The following SESN1 variants were observed in gnomAD, a reference collection of about 807,000 sequenced individuals.
SESN1 encodes the protein sestrin 1.
SESN1 carries 30 observed loss-of-function variants against 59.3 expected under a neutral mutation model. The observed-to-expected ratio is 0.51, with a 90% CI of 0.38 to 0.69. The LOEUF (loss-of-function observed/expected upper bound fraction) is 0.69, where lower values mean the gene tolerates loss of function less well. Among genes scored for constraint, SESN1 ranks in the 30% least tolerant of loss-of-function variants. The probability of loss-of-function intolerance (pLI) is 0.00; values close to 1 mark genes in which losing one functional copy is unlikely to be tolerated. For missense variants in SESN1, 566 were observed against 673.0 expected, an observed-to-expected ratio of 0.84 and a Z score of 1.76; for synonymous variants, 197 against 219.9, an observed-to-expected ratio of 0.90 and a Z score of 0.92.
chr6:109,033,445 T>G lies in SESN1; in HGVS notation c.280-31102A>C, dbSNP rs571401805. ...GAGGTGGTTTTGATGGAGATGCTTA[T>G]CAATAGGATGATAAGGTTATTTTCA... On this transcript the variant is annotated intron_variant, in intron 1 of 9. Coordinates refer to ENST00000436639, the MANE Select transcript of SESN1 (RefSeq NM_014454.3). Among the ~76,000 whole-genome samples, 21 of 152,314 alleles carry G rather than the reference T, an allele frequency of 1.4e-4. 1 individual carries two copies. The South Asian group carries it at 4.4e-3, about 32-fold the overall frequency.
chr6:109,058,905 C>A (rs1285675478), intron 1 of SESN1, among the ~76,000 whole-genome samples: 1 of 122,472 alleles, frequency 8.2e-6, no homozygotes, highest in Non-Finnish European at 1.6e-5. Flanking sequence ...TTAATATTCT[C>A]ATAGGTGTCT....
chr6:108,991,138 T>C (rs1779373573), intron 7 of SESN1, among the ~76,000 whole-genome samples: 1 of 152,120 alleles, frequency 6.6e-6, no homozygotes, highest in South Asian at 2.1e-4. Flanking sequence ...TCTTTCACTC[T>C]CTCTCCACTC....
At chr6:109,020,190 CT>C (rs1019979503) in intron 1 of SESN1, among the ~76,000 whole-genome samples, 1 of 151,754 alleles carries the variant, frequency 6.6e-6, no homozygotes, top group African/African-American at 2.4e-5. Flanking sequence ...TTCTTTTTTT[CT>C]TTTTTTTATG....
At chr6:108,991,937 A>G (rs1341267355) in intron 7 of SESN1, among the ~76,000 whole-genome samples, 1 of 152,090 alleles carries the variant, frequency 6.6e-6, no homozygotes, top group Admixed American at 6.5e-5. Context: ...AAGCTTAATT[A>G]TTGTCTAGTC....
chr6:109,064,159 T>C (rs1397135746), intron 1 of SESN1, among the ~76,000 whole-genome samples: 1 of 152,154 alleles, frequency 6.6e-6, no homozygotes, highest in Non-Finnish European at 1.5e-5. Flanking sequence ...TTGATTGATA[T>C]CTGTCAACTT....
At chr6:109,088,287 G>A (rs987775854) in intron 1 of SESN1, 1 of 152,084 alleles carries the variant, frequency 6.6e-6, no homozygotes, top group Non-Finnish European at 1.5e-5. Flanking sequence ...AAGTAATGTA[G>A]TTGAGCCAAT....
At chr6:109,034,237 GAAT>G (rs1294033101) in intron 1 of SESN1, among the ~76,000 whole-genome samples, 4 of 152,102 alleles carry the variant, frequency 2.6e-5, no homozygotes, top group African/African-American at 9.7e-5. Flanking sequence ...TTTTGGACTT[GAAT>G]AATATGTATT....
intron 8 of SESN1, among the ~76,000 whole-genome samples, chr6:108,989,937 A>G (rs976277765): frequency 1.3e-5 from 2 of 152,220 alleles, no homozygotes; most frequent in African/African-American, 4.8e-5. Flanking sequence ...TAGTCTGGCT[A>G]CTGATTAGTG....
intron 1 of SESN1, among the ~76,000 whole-genome samples, chr6:109,018,019 TAAG>T (rs1406036205): frequency 1.3e-5 from 2 of 152,252 alleles, no homozygotes; most frequent in East Asian, 1.9e-4. Flanking sequence ...AGAACAATAA[TAAG>T]AAGAAGAAAT....
At position 108,994,684 on chromosome 6, in the gene SESN1, A is replaced by T. The variant is rs1375071220; in HGVS notation, c.973-75T>A. 2.8e-6 allele frequency: 3 copies of T among 1,067,336 alleles called. No individual in the cohort carries two copies. The African/African-American group carries it at 4.9e-5, about 17-fold the overall frequency. The allele number at this position is 1,067,336 out of a possible 1,614,324, so 66.1% of individuals were successfully genotyped here. ...ATGAATTATCTTTTAAGTCTGTCTCATAAGAATTTATATCTTTTTTTTTTT... is the reference window on the plus strand; with the variant it reads ...ATGAATTATCTTTTAAGTCTGTCTCTTAAGAATTTATATCTTTTTTTTTTT... On this transcript the variant is annotated intron_variant, in intron 5 of 9. Coordinates refer to ENST00000436639, the MANE Select transcript of SESN1 (RefSeq NM_014454.3).
intron 1 of SESN1, among the ~76,000 whole-genome samples, chr6:109,027,193 C>T (rs1780108866): frequency 6.6e-6 from 1 of 151,814 alleles, no homozygotes; most frequent in Non-Finnish European, 1.5e-5. Flanking sequence ...TACATCTTGG[C>T]TGGGGGTGGT....
At chr6:109,071,070 C>T (rs1780926071) in intron 1 of SESN1, among the ~76,000 whole-genome samples, 1 of 152,126 alleles carries the variant, frequency 6.6e-6, no homozygotes, top group Non-Finnish European at 1.5e-5. Flanking sequence ...GTAGAAACTG[C>T]CAAGTAATAA....
chr6:109,006,553 G>C (rs911743220), intron 1 of SESN1, among the ~76,000 whole-genome samples: 6 of 151,500 alleles, frequency 4.0e-5, no homozygotes, highest in African/African-American at 1.2e-4. Context: ...CAGTACTAGT[G>C]AGTGGTGGAG....
At chr6:109,017,728 G>A (rs1445609398) in intron 1 of SESN1, among the ~76,000 whole-genome samples, 3 of 151,974 alleles carry the variant, frequency 2.0e-5, no homozygotes, top group African/African-American at 7.3e-5. Flanking sequence ...TTAAATAGAG[G>A]GTCATCTAGT....
At chr6:109,070,385 C>T (rs1232675412) in intron 1 of SESN1, among the ~76,000 whole-genome samples, 4 of 152,026 alleles carry the variant, frequency 2.6e-5, no homozygotes, top group African/African-American at 7.3e-5. Flanking sequence ...TATGGCTGAA[C>T]ACAAGGCCCA....
chr6:108,996,650 C>A (rs1208059253), intron 5 of SESN1, among the ~76,000 whole-genome samples: 1 of 151,718 alleles, frequency 6.6e-6, no homozygotes, highest in Non-Finnish European at 1.5e-5. Flanking sequence ...AAAAAAATGG[C>A]ATTTCATTTT....
intron 1 of SESN1, among the ~76,000 whole-genome samples, chr6:109,055,326 T>C (rs1392979806): frequency 1.3e-5 from 2 of 152,130 alleles, no homozygotes; most frequent in African/African-American, 4.8e-5. Context: ...GTGGTATTTT[T>C]CAGAAATGTA....
At chr6:109,058,529 A>G (rs752844953) in intron 1 of SESN1, among the ~76,000 whole-genome samples, 103 of 152,324 alleles carry the variant, frequency 6.8e-4, no homozygotes, top group Middle Eastern at 3.4e-3. Flanking sequence ...TCATTAGGTG[A>G]TGCGTGACTG....
At chr6:109,023,834 T>G (rs555303624) in intron 1 of SESN1, among the ~76,000 whole-genome samples, 14 of 149,944 alleles carry the variant, frequency 9.3e-5, no homozygotes, top group South Asian at 2.2e-4. Flanking sequence ...AGACTTACAT[T>G]GTCAAATAAT....
Sources: gnomAD v4.1 joint callset for allele counts (sites outside exome capture counted in the v4.1 genomes callset) on GRCh38, gnomAD v4.1.1 for gene constraint, MANE v1.5 for transcripts, NCBI Gene and HGNC (gene_info 2026-07-23, HGNC 2026-07-21) for gene names.